Variants in COA5 observed in about 807,000 individuals in gnomAD.
The protein encoded by COA5 is cytochrome c oxidase assembly factor 5, also known as protein C2orf64.
In COA5, 11 loss-of-function variants were observed where a neutral mutation model predicts 11.8. That is an observed-to-expected ratio of 0.93 (90% CI 0.59 to 1.54). The LOEUF is 1.54. Ranked by LOEUF, COA5 falls within the 40% of genes most tolerant of loss-of-function variation. COA5 has a pLI of 0.00. For missense variants in COA5, 87 were observed against 89.2 expected (o/e 0.97, Z 0.10); for synonymous variants, 38 against 37.5 (o/e 1.01, Z -0.05).
At chr2:98,601,005 G>GGAT (rs1225947626) in intron 2 of COA5, among the ~76,000 whole-genome samples, 1 of 152,082 alleles carries the variant, frequency 6.6e-6, no homozygotes. Flanking sequence ...CAGCACTTTG[G>GGAT]GATGATGAGG....
In COA5 at chr2:98,608,432, G is replaced by A; in HGVS notation, c.-27C>T. ...ACGGCGCTTCCCCTCCGATGCGGAC[G>A]CGACTTTCTCCCACCGCAACACTTG... On this transcript the variant is annotated 5_prime_UTR_variant, in exon 1 of 3. Transcript: ENST00000328709. 1 of 1,535,190 alleles carries A rather than the reference G, an allele frequency of 6.5e-7. No homozygotes were observed. Among genetic ancestry groups the A allele is most frequent in the Non-Finnish European group, 8.9e-7 (1 of 1,129,938 alleles).
chr2:98,607,900 G>GCA (rs1340102077), intron 1 of COA5, among the ~76,000 whole-genome samples: 2 of 152,214 alleles, frequency 1.3e-5, no homozygotes, highest in Non-Finnish European at 2.9e-5. Context: ...AACTGAACAG[G>GCA]CAGGAGACAC....
chr2:98,604,092 A>G lies in COA5; in HGVS notation c.183+16T>C. 1 of 1,600,890 alleles carries G rather than the reference A, an allele frequency of 6.2e-7. No homozygotes were observed. Among genetic ancestry groups the G allele is most frequent in the Non-Finnish European group, 8.6e-7 (1 of 1,168,032 alleles). ...TAATTTTTAGCATAGGCTTTTAAAA[A>G]TCTTTAACCACTTACCACTGATCTT... On this transcript the variant is annotated intron_variant, in intron 2 of 2. Coordinates refer to ENST00000328709, the MANE Select transcript of COA5 (RefSeq NM_001008215.3).
Position 98,608,414 on chromosome 2 carries a change from T to C in COA5, c.-9A>G. The C allele has an allele frequency of 6.3e-7, 1 of 1,586,474 alleles. No homozygotes were observed. On this transcript the variant is annotated 5_prime_UTR_variant, in exon 1 of 3. Coordinates refer to ENST00000328709, the MANE Select transcript of COA5 (RefSeq NM_001008215.3). The stretch of plus-strand genomic sequence containing the variant: ...TCATAATACTTAGGCATGACGGCGC[T>C]TCCCCTCCGATGCGGACGCGACTTT...
intron 2 of COA5, among the ~76,000 whole-genome samples, chr2:98,602,903 A>C (rs1450953972): frequency 2.6e-5 from 4 of 152,238 alleles, no homozygotes; most frequent in African/African-American, 9.6e-5. Flanking sequence ...TTCTTGACAA[A>C]GTTAAAGGTT....
At position 98,600,660 on chromosome 2, in the gene COA5, G is replaced by T; in HGVS notation, c.*92C>A. On this transcript the variant is annotated 3_prime_UTR_variant, in exon 3 of 3. Coordinates refer to ENST00000328709, the MANE Select transcript of COA5 (RefSeq NM_001008215.3). ...GGAAATCTGGTCCAACCAAACAGAT[G>T]TAGTAAAAAGTATGTTTCCTGTTTT... The T allele has an allele frequency of 9.3e-7, 1 of 1,071,212 alleles. No individual in the cohort carries two copies. The highest frequency in any genetic ancestry group is 1.4e-6 in the Non-Finnish European group (1 of 706,480). 66.4% of individuals were successfully genotyped at this position (1,071,212 alleles called of 1,614,324 possible).
chr2:98,603,968 C>A, intron 2 of COA5, 140 bp downstream of exon 2: 2 of 651,530 alleles, frequency 3.1e-6, no homozygotes, highest in Non-Finnish European at 5.4e-6. Context: ...CGTTAACTCA[C>A]TGGAGGAAGA....
Position 98,608,448 on chromosome 2 carries a change from G to C in COA5, c.-43C>G, listed in dbSNP as rs575670637. 2.1e-6 allele frequency: 3 copies of C among 1,410,552 alleles called. No homozygotes were observed. Among genetic ancestry groups the C allele is most frequent in the African/African-American group, 1.4e-5 (1 of 71,036 alleles). The allele number at this position is 1,410,552 out of a possible 1,614,324, so 87.4% of individuals were successfully genotyped here. A position where few individuals can be genotyped will look rare whatever the true frequency, so the allele number is the denominator to read the frequency against. ...GATGCGGACGCGACTTTCTCCCACC[G>C]CAACACTTGCAACCGGGTCGGGAGC... On this transcript the variant is annotated 5_prime_UTR_variant, in exon 1 of 3. Coordinates refer to ENST00000328709, the MANE Select transcript of COA5 (RefSeq NM_001008215.3).
chr2:98,607,588 A>G (rs374145986), intron 1 of COA5, among the ~76,000 whole-genome samples: 1 of 152,218 alleles, frequency 6.6e-6, no homozygotes, highest in East Asian at 1.9e-4. Flanking sequence ...ATTGCACACA[A>G]TTGAATGCCC....
rs896406542 is a variant in COA5, at chr2:98,599,607, C to T, written c.*1145G>A. ...AAAAACTCAAGTGAGCTGTACAACG[C>T]CCCGATTGCTTTAACTCCAGTGAAC... On this transcript the variant is annotated 3_prime_UTR_variant, in exon 3 of 3. Coordinates refer to ENST00000328709, the MANE Select transcript of COA5 (RefSeq NM_001008215.3). 6.6e-6 allele frequency: 1 copy of T among 152,168 alleles called. No homozygotes were observed. Among genetic ancestry groups the T allele is most frequent in the African/African-American group, 2.4e-5 (1 of 41,422 alleles). The allele number at this position is 152,168 out of a possible 1,614,324, so 9.4% of individuals were successfully genotyped here.
chr2:98,607,308 GC>G (rs1473530834), intron 1 of COA5, among the ~76,000 whole-genome samples: 2 of 152,222 alleles, frequency 1.3e-5, no homozygotes, highest in Admixed American at 1.3e-4. Flanking sequence ...AAGGGACACA[GC>G]CCTGGACAGG....
chr2:98,601,362 AAACTT>A (rs1407273574), intron 2 of COA5, among the ~76,000 whole-genome samples: 1 of 152,238 alleles, frequency 6.6e-6, no homozygotes, highest in African/African-American at 2.4e-5. Context: ...TTCTTCTAAA[AAACTT>A]AACTTTCTAG....
chr2:98,607,863 C>G (rs1559145941), intron 1 of COA5, among the ~76,000 whole-genome samples: 2 of 152,216 alleles, frequency 1.3e-5, no homozygotes, highest in Non-Finnish European at 2.9e-5. Flanking sequence ...CACATCAACA[C>G]AAGTCAAACT....
chr2:98,603,034 CTAACTT>C (rs58195472), intron 2 of COA5, among the ~76,000 whole-genome samples: 50 of 152,312 alleles, frequency 3.3e-4, no homozygotes, highest in Admixed American at 8.5e-4. Context: ...CAAATTTAAT[CTAACTT>C]TACACCCTCC....
At chr2:98,607,192 G>A (rs1427212124) in intron 1 of COA5, among the ~76,000 whole-genome samples, 6 of 152,178 alleles carry the variant, frequency 3.9e-5, no homozygotes, top group African/African-American at 1.2e-4. Flanking sequence ...GGTAGTGACT[G>A]TTACTGATTC....
chr2:98,601,839 G>C (rs150226087), intron 2 of COA5, among the ~76,000 whole-genome samples: 7 of 152,294 alleles, frequency 4.6e-5, no homozygotes, highest in African/African-American at 1.7e-4. Context: ...AGGGATCTAG[G>C]TGGTACGTTC....
intron 1 of COA5, chr2:98,604,889 A>C (rs1372626046): frequency 6.6e-6 from 1 of 152,264 alleles, no homozygotes; most frequent in African/African-American, 2.4e-5. Context: ...AGTGACTCTC[A>C]AAAGTGGATA....
intron 1 of COA5, 146 bp downstream of exon 1, chr2:98,608,161 T>A (rs1470237825): frequency 3.0e-6 from 2 of 671,106 alleles, no homozygotes; most frequent in Admixed American, 2.2e-5. Context: ...GCTCAGTGGA[T>A]CTGCGCACGT....
chr2:98,601,269 T>C (rs1227280441), intron 2 of COA5, among the ~76,000 whole-genome samples: 1 of 151,356 alleles, frequency 6.6e-6, no homozygotes, highest in Non-Finnish European at 1.5e-5. Flanking sequence ...AAGATGGCAT[T>C]AAAAATAGAA....
Sources: allele counts gnomAD v4.1 joint callset (sites outside exome capture counted in the v4.1 genomes callset), GRCh38; gene constraint gnomAD v4.1.1; transcripts MANE v1.5; gene names NCBI Gene and HGNC (gene_info 2026-07-23, HGNC 2026-07-21).